Variants in DMRT1 observed in about 807,000 individuals in gnomAD.
DMRT1 encodes doublesex- and mab-3-related transcription factor 1.
DMRT1 carries 7 observed loss-of-function variants against 32.3 expected under a neutral mutation model. That is an observed-to-expected ratio of 0.22 (90% CI 0.12 to 0.41). The LOEUF is 0.41. DMRT1 is among the 10% of genes least tolerant of loss of function. The pLI is 1.00. For synonymous variants in DMRT1, 278 were observed against 206.1 expected (o/e 1.35, Z -2.99); for missense variants, 625 against 500.5 (o/e 1.25, Z -2.37).
Position 961,010 on chromosome 9 carries a change from C to T in DMRT1, c.968-6975C>T, listed in dbSNP as rs113172490. On this transcript the variant is annotated intron_variant, in intron 4 of 4. Coordinates refer to ENST00000382276, the MANE Select transcript of DMRT1 (RefSeq NM_021951.3). ...AGGGAACGTAGCACTTAATGGGGCC[C>T]CACGCCTTGTGTAGAATCCTCCTAA... Among the ~76,000 whole-genome samples the T allele has an allele frequency of 7.0e-3, 1,061 of 152,228 alleles. 13 individuals carry two copies. Among genetic ancestry groups the T allele is most frequent in the African/African-American group, 0.024 (995 of 41,510 alleles).
At chr9:860,179 C>T (rs1003751493) in intron 2 of DMRT1, among the ~76,000 whole-genome samples, 4 of 152,070 alleles carry the variant, frequency 2.6e-5, no homozygotes, top group Non-Finnish European at 5.9e-5. Flanking sequence ...TGCCTGTAGT[C>T]CTAGCTACTT....
At chr9:887,350 A>C (rs1261653620) in intron 2 of DMRT1, among the ~76,000 whole-genome samples, 1 of 152,164 alleles carries the variant, frequency 6.6e-6, no homozygotes, top group Non-Finnish European at 1.5e-5. Context: ...CACCTAGTCT[A>C]TTCCCCCATC....
chr9:925,444 A>G (rs1295957549), intron 4 of DMRT1, among the ~76,000 whole-genome samples: 2 of 152,176 alleles, frequency 1.3e-5, no homozygotes, highest in Non-Finnish European at 1.5e-5. Flanking sequence ...TGGTATTTTG[A>G]TTAAGAACGC....
At chr9:901,562 G>A (rs1040949231) in intron 3 of DMRT1, among the ~76,000 whole-genome samples, 1 of 150,390 alleles carries the variant, frequency 6.6e-6, no homozygotes, top group Non-Finnish European at 1.5e-5. Context: ...CCTGACCTCA[G>A]GTGATCCGCC....
At chr9:861,844 C>T (rs1473973118) in intron 2 of DMRT1, among the ~76,000 whole-genome samples, 3 of 140,556 alleles carry the variant, frequency 2.1e-5, no homozygotes, top group Non-Finnish European at 3.1e-5. Context: ...CGGTCAGAGA[C>T]GCTCCTCACC....
chr9:855,989 T>C (rs1451176075), intron 2 of DMRT1, among the ~76,000 whole-genome samples: 1 of 152,122 alleles, frequency 6.6e-6, no homozygotes, highest in Non-Finnish European at 1.5e-5. Context: ...TGATCTCGGC[T>C]CACTGCAACC....
chr9:903,998 G>A (rs148664567), intron 3 of DMRT1, among the ~76,000 whole-genome samples: 1 of 152,322 alleles, frequency 6.6e-6, no homozygotes, highest in East Asian at 1.9e-4. Flanking sequence ...TCTGGGCTGA[G>A]TAAGAAATCC....
chr9:945,670 A>G (rs1819217305), intron 4 of DMRT1, among the ~76,000 whole-genome samples: 1 of 151,992 alleles, frequency 6.6e-6, no homozygotes, highest in Non-Finnish European at 1.5e-5. Context: ...TTTTTCTTAA[A>G]TGAACAGAAC....
At position 869,239 on chromosome 9, in the gene DMRT1, C is replaced by T. The variant is rs570644183; in HGVS notation, c.538+22096C>T. On this transcript the variant is annotated intron_variant, in intron 2 of 4. Coordinates refer to ENST00000382276, the MANE Select transcript of DMRT1 (RefSeq NM_021951.3). ...GGCCACAGCTTTTGCCTCTTCCTCC[C>T]CTTTCCCTATGGTGACATGCAATGG... Among the ~76,000 whole-genome samples, 135 of 152,230 alleles carry T rather than the reference C, an allele frequency of 8.9e-4. 1 individual carries two copies. In the South Asian group the frequency reaches 0.012, roughly 14 times the overall value.
At chr9:953,897 C>T (rs757471255) in intron 4 of DMRT1, among the ~76,000 whole-genome samples, 2 of 152,200 alleles carry the variant, frequency 1.3e-5, no homozygotes, top group Non-Finnish European at 2.9e-5. Flanking sequence ...AGAACCATAA[C>T]ATGGTCCCTC....
chr9:939,248 C>G (rs1818983185), intron 4 of DMRT1, among the ~76,000 whole-genome samples: 1 of 152,222 alleles, frequency 6.6e-6, no homozygotes, highest in South Asian at 2.1e-4. Context: ...ACTCTAGAGA[C>G]CACTTACCAG....
chr9:858,125 T>C (rs956412690), intron 2 of DMRT1, among the ~76,000 whole-genome samples: 4 of 152,124 alleles, frequency 2.6e-5, no homozygotes, highest in African/African-American at 9.7e-5. Context: ...GTTTCTAAAA[T>C]TGGAAAACCA....
At chr9:935,141 T>C (rs1334503055) in intron 4 of DMRT1, among the ~76,000 whole-genome samples, 1 of 152,204 alleles carries the variant, frequency 6.6e-6, no homozygotes, top group African/African-American at 2.4e-5. Context: ...GTTTTTCTAA[T>C]TGAAAGTGAC....
At chr9:946,855 G>A (rs977216449) in intron 4 of DMRT1, among the ~76,000 whole-genome samples, 1 of 152,168 alleles carries the variant, frequency 6.6e-6, no homozygotes, top group Non-Finnish European at 1.5e-5. Context: ...GTCCAGGTCT[G>A]CAAGTTTACA....
chr9:871,412 A>C (rs1816245968), intron 2 of DMRT1, among the ~76,000 whole-genome samples: 1 of 146,150 alleles, frequency 6.8e-6, no homozygotes, highest in African/African-American at 2.6e-5. Context: ...GGCTCACTGC[A>C]AGCTCCGCGT....
rs149757263 is a variant in DMRT1, at chr9:902,696, C to A, written c.822+8501C>A. Among the ~76,000 whole-genome samples, 1,309 of 151,970 alleles carry A rather than the reference C, an allele frequency of 8.6e-3. 23 individuals are homozygous for A. The highest frequency in any genetic ancestry group is 0.03 in the African/African-American group (1,248 of 41,434). On this transcript the variant is annotated intron_variant, in intron 3 of 4. Transcript: ENST00000382276. The stretch of plus-strand genomic sequence containing the variant: ...TAGAGACAGGGTTTCGCCATGTTGG[C>A]CAGGTTGGTCTCGAACTCCTCACCT...
At chr9:917,040 A>G in intron 4 of DMRT1, 133 bp downstream of exon 4, 2 of 980,298 alleles carry the variant, frequency 2.0e-6, no homozygotes, top group Non-Finnish European at 3.2e-6. Context: ...AAGCTTGGAT[A>G]AGTATCCTTT....
At chr9:870,678 G>A (rs1816204715) in intron 2 of DMRT1, among the ~76,000 whole-genome samples, 1 of 131,490 alleles carries the variant, frequency 7.6e-6, no homozygotes, top group South Asian at 2.5e-4. Flanking sequence ...TGTTCTTTAA[G>A]CTTAGGTTCC....
At chr9:910,138 C>G (rs997477719) in intron 3 of DMRT1, among the ~76,000 whole-genome samples, 1 of 152,100 alleles carries the variant, frequency 6.6e-6, no homozygotes, top group Non-Finnish European at 1.5e-5. Flanking sequence ...TCCAGTGAAG[C>G]TGAATGAAGC....
Sources: allele counts gnomAD v4.1 joint callset (sites outside exome capture counted in the v4.1 genomes callset), GRCh38; gene constraint gnomAD v4.1.1; transcripts MANE v1.5; gene names NCBI Gene and HGNC (gene_info 2026-07-23, HGNC 2026-07-21).